Variants in NELFCD observed in about 807,000 individuals in gnomAD.
The protein encoded by NELFCD is negative elongation factor complex member C/D.
A neutral mutation model predicts 72.9 loss-of-function variants in NELFCD; 48 were observed. The ratio of observed to expected loss-of-function variants is 0.66; its 90% CI spans 0.52 to 0.84. NELFCD has a LOEUF of 0.84. Among genes scored for constraint, NELFCD ranks in the 40% least tolerant of loss-of-function variants. NELFCD has a pLI of 0.00. For synonymous variants in NELFCD, 297 were observed against 280.6 expected, an observed-to-expected ratio of 1.06 and a Z score of -0.59; for missense variants, 538 against 723.8, an observed-to-expected ratio of 0.74 and a Z score of 2.94.
intron 4 of NELFCD, chr20:58,988,079 A>C: frequency 4.5e-6 from 2 of 443,882 alleles, no homozygotes; most frequent in Non-Finnish European, 8.1e-6. Context: ...TCTCAGGCTG[A>C]CTCCAGGGCA....
intron 6 of NELFCD, 87 bp downstream of exon 6, chr20:58,989,727 G>C: frequency 6.2e-7 from 1 of 1,600,946 alleles, no homozygotes; most frequent in Non-Finnish European, 8.6e-7. Context: ...TCCCTGGAGA[G>C]AATCTCCATT....
intron 7 of NELFCD, 37 bp downstream of exon 7, chr20:58,990,025 A>C: frequency 1.2e-6 from 2 of 1,603,426 alleles, no homozygotes; most frequent in Admixed American, 1.7e-5. Context: ...CTTCCTTCCT[A>C]GTGCTCCCCA....
chr20:58,988,262 G>A (rs2091786950), intron 4 of NELFCD, among the ~76,000 whole-genome samples: 1 of 152,194 alleles, frequency 6.6e-6, no homozygotes, highest in South Asian at 2.1e-4. Flanking sequence ...AAGAGAAAAG[G>A]AATGAGGGTT....
chr20:58,985,311 T>C (rs2091763897), intron 1 of NELFCD, among the ~76,000 whole-genome samples: 1 of 152,264 alleles, frequency 6.6e-6, no homozygotes, highest in Non-Finnish European at 1.5e-5. Flanking sequence ...TGTGAACTTC[T>C]TTGATGGAAA....
At chr20:58,987,873 C>T (rs1274708636) in intron 4 of NELFCD, 56 bp downstream of exon 4, 2 of 1,342,422 alleles carry the variant, frequency 1.5e-6, no homozygotes, top group East Asian at 4.6e-5. Context: ...TTGCAAATTC[C>T]CTGTGTACAG....
At chr20:58,991,619 T>C (rs2091817975) in intron 9 of NELFCD, 173 bp downstream of exon 9, 1 of 787,774 alleles carries the variant, frequency 1.3e-6, no homozygotes, top group Admixed American at 2.8e-5. Flanking sequence ...AAAATGTGCG[T>C]AATGTCTCCA....
chr20:58,989,448 A>G (rs1440325058), intron 5 of NELFCD, 40 bp from the exon 6 acceptor site: 8 of 1,604,926 alleles, frequency 5.0e-6, no homozygotes, highest in Non-Finnish European at 6.8e-6. Context: ...AGGTGCGGTC[A>G]CTGCATGCCT....
At position 58,986,318 on chromosome 20, in the gene NELFCD, AAAGGCTTC is replaced by A; in HGVS notation, c.176+115_176+122del. 2 of 716,808 alleles carry A rather than the reference AAAGGCTTC, an allele frequency of 2.8e-6. No individual in the cohort carries two copies. Among genetic ancestry groups the A allele is most frequent in the Non-Finnish European group, 4.8e-6 (2 of 421,008 alleles). The allele number at this position is 716,808 out of a possible 1,614,324, so 44.4% of individuals were successfully genotyped here. A position where few individuals can be genotyped will look rare whatever the true frequency, so the allele number is the denominator to read the frequency against. Reference sequence around the variant, plus strand: ...AAGCAAGAGTAACGCGAACTGAACTAAAGGCTTCAAGGGGGGGTCCCCTCTGCCACTTT... The same window carrying A: ...AAGCAAGAGTAACGCGAACTGAACTAAAGGGGGGGTCCCCTCTGCCACTTT... On this transcript the variant is annotated intron_variant, in intron 2 of 14. Transcript: ENST00000652272. This position sits in a 1 kb window ranked among gnomAD's most constrained non-coding sequence, Gnocchi z 4.4.
At chr20:58,981,433 C>T (rs3746703) in intron 1 of NELFCD, 64 bp downstream of exon 1, 107,620 of 789,320 alleles carry the variant, frequency 0.14, 8,128 homozygotes, top group Admixed American at 0.24. Flanking sequence ...GCGGGCCGGC[C>T]CCACTCCCGG....
intron 4 of NELFCD, among the ~76,000 whole-genome samples, chr20:58,988,320 C>T (rs940063545): frequency 2.0e-5 from 3 of 152,172 alleles, no homozygotes; most frequent in Admixed American, 6.5e-5. Flanking sequence ...ACGTTCCAGC[C>T]ATATCAGTGG....
At chr20:58,992,077 G>C in intron 10 of NELFCD, 57 bp downstream of exon 10, 1 of 1,509,908 alleles carries the variant, frequency 6.6e-7, no homozygotes, top group East Asian at 2.3e-5. Context: ...GGTCGTTTGA[G>C]TTTTCATATT....
At chr20:58,990,768 A>C (rs1242115381) in intron 7 of NELFCD, 142 bp from the exon 8 acceptor site, 25 of 693,122 alleles carry the variant, frequency 3.6e-5, no homozygotes, top group Non-Finnish European at 1.2e-5. Flanking sequence ...AGTGTTGTAA[A>C]TGTTATTTTT....
At chr20:58,982,036 T>G (rs201890965) in intron 1 of NELFCD, among the ~76,000 whole-genome samples, 1 of 151,752 alleles carries the variant, frequency 6.6e-6, no homozygotes, top group Non-Finnish European at 1.5e-5. Flanking sequence ...GTCCCCACCT[T>G]ACTCTAAAGA....
chr20:58,991,935 G>A lies in NELFCD; in HGVS notation c.1144G>A (p.Glu382Lys), dbSNP rs1228209181. Reference sequence around the variant, plus strand: ...GCTGAAGTCAACGTCAAAAGCTGTCGAAACCGTTCACAATTTGTGTTGCAA... The same window carrying A: ...GCTGAAGTCAACGTCAAAAGCTGTCAAAACCGTTCACAATTTGTGTTGCAA... ...DELKSTSKAV[E>K]TVHNLCCNEN... The change falls in exon 10 of 15, where the codon GAA (glutamate) becomes AAA (lysine). Residue 382 changes from glutamate to lysine, a missense_variant. Glu to Lys is a moderately conservative substitution (Grantham distance 56). Coordinates refer to ENST00000652272, the MANE Select transcript of NELFCD (RefSeq NM_198976.4). 1.2e-6 allele frequency: 2 copies of A among 1,614,058 alleles called. No homozygotes were observed.
Position 58,989,968 on chromosome 20 carries a change from G to A in NELFCD, c.768G>A (p.Val256=). The A allele has an allele frequency of 6.2e-7, 1 of 1,613,378 alleles. No homozygotes were observed. The highest frequency in any genetic ancestry group is 8.5e-7 in the Non-Finnish European group (1 of 1,180,052). ...GSAVRRIAQE[V]QRFAQEKGHD... Reference sequence around the variant, plus strand: ...CTGTGCGCAGGATCGCCCAGGAAGTGCAGCGCTTTGCCCAGGAGAAGTGAG... The same window carrying A: ...CTGTGCGCAGGATCGCCCAGGAAGTACAGCGCTTTGCCCAGGAGAAGTGAG... The change falls in exon 7 of 15, where the codon GTG becomes GTA. Residue 256 remains valine (V), a synonymous_variant. Coordinates refer to ENST00000652272, the MANE Select transcript of NELFCD (RefSeq NM_198976.4).
At chr20:58,988,731 G>A (rs1266732060) in intron 4 of NELFCD, among the ~76,000 whole-genome samples, 183 bp from the exon 5 acceptor site, 1 of 152,080 alleles carries the variant, frequency 6.6e-6, no homozygotes, top group Non-Finnish European at 1.5e-5. Flanking sequence ...GGGCATCTAG[G>A]GACCTTTCTG....
At chr20:58,990,272 T>G (rs1386278428) in intron 7 of NELFCD, 2 of 359,672 alleles carry the variant, frequency 5.6e-6, no homozygotes, top group African/African-American at 2.1e-5. Context: ...TGGCGGCACA[T>G]GCCTGTAATC....
chr20:58,982,969 G>C (rs1477049011), intron 1 of NELFCD, among the ~76,000 whole-genome samples: 1 of 152,042 alleles, frequency 6.6e-6, no homozygotes, highest in Non-Finnish European at 1.5e-5. Flanking sequence ...CCTGCCCAAG[G>C]TCATGAAACT....
intron 1 of NELFCD, among the ~76,000 whole-genome samples, chr20:58,983,167 C>T (rs1601209347): frequency 2.0e-5 from 3 of 148,188 alleles, no homozygotes; most frequent in South Asian, 2.1e-4. Context: ...GACAGAGTCT[C>T]GCTTAGCTGC....
Sources: allele counts gnomAD v4.1 joint callset (sites outside exome capture counted in the v4.1 genomes callset), GRCh38; gene constraint gnomAD v4.1.1; non-coding constraint Gnocchi (gnomAD v3.1); transcripts MANE v1.5; gene names NCBI Gene and HGNC (gene_info 2026-07-23, HGNC 2026-07-21).